KCNQ1OT1: variants seen among roughly 807,000 people sequenced by gnomAD.
The protein encoded by KCNQ1OT1 is KCNQ1 antisense RNA 2 (non-protein coding).
rs903640384 is a variant in KCNQ1OT1 at position 2,663,108 on chromosome 11, A to G, written n.36887T>C. 5.0e-6 allele frequency: 2 copies of G among 398,544 alleles called. No homozygotes were observed. Among genetic ancestry groups the G allele is most frequent in the African/African-American group, 2.1e-5 (1 of 48,600 alleles). The allele number at this position is 398,544 out of a possible 1,614,324, so 24.7% of individuals were successfully genotyped here. On this transcript the variant is annotated non_coding_transcript_exon_variant, in exon 1 of 1. Coordinates refer to ENST00000597346, the Ensembl canonical transcript of KCNQ1OT1. The surrounding 1 kb of genome is among the most constrained non-coding windows in gnomAD (Gnocchi z 5.2). ...GGCCACCTCCAGGGAAGGAGTGGCT[A>G]TCTTAAGGGGTAATTATGATCAGAC...
At chr11:2,648,981 C>CTTTTTTCTTTTTTTTTTTTTTT (rs1849710956) in exon 1 of KCNQ1OT1, 1 of 213,300 alleles carries the variant, frequency 4.7e-6, no homozygotes, top group Non-Finnish European at 7.8e-6. Context: ...TTTTCTTTTT[C>CTTTTTTCTTTTTTTTTTTTTTT]TTTTTTTTTT....
At chr11:2,699,444 C>CGCTG (rs1850735882) in exon 1 of KCNQ1OT1, 2 of 403,622 alleles carry the variant, frequency 5.0e-6, no homozygotes, top group East Asian at 3.7e-5. Flanking sequence ...GGGAGAACCG[C>CGCTG]ACTGAGGAGC....
rs1849648238 is a variant in KCNQ1OT1, at chr11:2,645,219, A to G, written n.54776T>C. ...GCTGGATGAGCTTGTCCCAAGGCCC[A>G]CAGGTGGCAAATTCAAGTGAATGCC... is the stretch of plus-strand genomic sequence containing the variant. On this transcript the variant is annotated non_coding_transcript_exon_variant, in exon 1 of 1. Transcript: ENST00000597346. This position sits in a 1 kb window ranked among gnomAD's most constrained non-coding sequence, Gnocchi z 5.8. 1 of 398,592 alleles carries G rather than the reference A, an allele frequency of 2.5e-6. No homozygotes were observed. The highest frequency in any genetic ancestry group is 2.1e-5 in the African/African-American group (1 of 48,640). 24.7% of individuals were successfully genotyped at this position (398,592 alleles called of 1,614,324 possible).
chr11:2,643,375 C>T (rs1463537438), exon 1 of KCNQ1OT1: 1 of 398,132 alleles, frequency 2.5e-6, no homozygotes, highest in Non-Finnish European at 4.4e-6. Context: ...TTGTTATATC[C>T]TCTTGGTCAA....
At position 2,621,226 on chromosome 11, in the gene KCNQ1OT1, C is replaced by T. The variant is rs1451045994; in HGVS notation, n.78769G>A. 1 of 398,006 alleles carries T rather than the reference C, an allele frequency of 2.5e-6. No homozygotes were observed. Among genetic ancestry groups the T allele is most frequent in the East Asian group, 3.6e-5 (1 of 28,066 alleles). 24.7% of individuals were successfully genotyped at this position (398,006 alleles called of 1,614,324 possible). Reference sequence around the variant, plus strand: ...TACCTGACCCCAGATGATCCACGCACCTCAGCCTCCCAAAGTGCTAGGACT... The same window carrying T: ...TACCTGACCCCAGATGATCCACGCATCTCAGCCTCCCAAAGTGCTAGGACT... On this transcript the variant is annotated non_coding_transcript_exon_variant, in exon 1 of 1. Coordinates refer to ENST00000597346, the Ensembl canonical transcript of KCNQ1OT1. The surrounding 1 kb of genome is among the most constrained non-coding windows in gnomAD (Gnocchi z 5.7).
chr11:2,620,726 A>C lies in KCNQ1OT1; in HGVS notation n.79269T>G. ...TATCCAGTAATGGGATTGCTGGGTC[A>C]GATGGTAGTTCTGTTTTCAGTTATT... On this transcript the variant is annotated non_coding_transcript_exon_variant, in exon 1 of 1. Transcript: ENST00000597346. The surrounding 1 kb of genome is among the most constrained non-coding windows in gnomAD (Gnocchi z 4.5). 2.5e-6 allele frequency: 1 copy of C among 398,626 alleles called. No homozygotes were observed. Among genetic ancestry groups the C allele is most frequent in the Non-Finnish European group, 4.4e-6 (1 of 226,062 alleles). 24.7% of individuals were successfully genotyped at this position (398,626 alleles called of 1,614,324 possible).
At chr11:2,662,134 G>T in exon 1 of KCNQ1OT1, 1 of 1,611,776 alleles carries the variant, frequency 6.2e-7, no homozygotes, top group Non-Finnish European at 8.5e-7. Flanking sequence ...TGGAGCTCAA[G>T]GAGTCAGACT....
In KCNQ1OT1 at chr11:2,622,271, A is replaced by T. The variant is rs1849186863; in HGVS notation, n.77724T>A. ...ATACGTTTCCAATTGCGAAGTCTTG[A>T]GTAATTTTCCATTTTCTCAGTATGT... On this transcript the variant is annotated non_coding_transcript_exon_variant, in exon 1 of 1. Coordinates refer to ENST00000597346, the Ensembl canonical transcript of KCNQ1OT1. 1.3e-5 allele frequency: 5 copies of T among 398,344 alleles called. No homozygotes were observed. In the East Asian group the frequency reaches 1.8e-4, roughly 14 times the overall value. 24.7% of individuals were successfully genotyped at this position (398,344 alleles called of 1,614,324 possible).
At chr11:2,694,925 G>A in exon 1 of KCNQ1OT1, 1 of 398,726 alleles carries the variant, frequency 2.5e-6, no homozygotes, top group Non-Finnish European at 4.4e-6. Context: ...CCAGGCAGAG[G>A]TGGTGAAGGC....
In KCNQ1OT1 at chr11:2,669,526, G is replaced by A. The variant is rs77407499; in HGVS notation, n.30469C>T. ...TCAGCTAATGGTTTGATGTATGTTCGCTGAATCCAGGGACAAGGTCTGTCA... is the reference window on the plus strand; with the variant it reads ...TCAGCTAATGGTTTGATGTATGTTCACTGAATCCAGGGACAAGGTCTGTCA... On this transcript the variant is annotated non_coding_transcript_exon_variant, in exon 1 of 1. Coordinates refer to ENST00000597346, the Ensembl canonical transcript of KCNQ1OT1. This position sits in a 1 kb window ranked among gnomAD's most constrained non-coding sequence, Gnocchi z 5.6. 5.8e-4 allele frequency: 233 copies of A among 398,588 alleles called. 2 individuals carry two copies. In the East Asian group the frequency reaches 8.0e-3, roughly 14 times the overall value. 24.7% of individuals were successfully genotyped at this position (398,588 alleles called of 1,614,324 possible).
exon 1 of KCNQ1OT1, chr11:2,685,742 C>T: frequency 2.5e-6 from 1 of 398,704 alleles, no homozygotes; most frequent in East Asian, 3.6e-5. Flanking sequence ...GCCGAAATGG[C>T]CAGCAGGCAG....
chr11:2,692,120 A>G, exon 1 of KCNQ1OT1: 1 of 398,676 alleles, frequency 2.5e-6, no homozygotes, highest in Non-Finnish European at 4.4e-6. Context: ...ATCATTTTAT[A>G]GCCCACTCTA....
exon 1 of KCNQ1OT1, chr11:2,625,557 C>A: frequency 2.5e-6 from 1 of 397,048 alleles, no homozygotes; most frequent in Non-Finnish European, 4.4e-6. Flanking sequence ...TTTGGAGATA[C>A]GTCTGTCCAA....
Position 2,654,001 on chromosome 11 carries a change from C to CTG in KCNQ1OT1, n.45992_45993dup. ...TTTCCTAAGCGGAACTGGGTGCCAG[C>CTG]TGTGAATATACATTTTCACTCCATT... On this transcript the variant is annotated non_coding_transcript_exon_variant, in exon 1 of 1. Coordinates refer to ENST00000597346, the Ensembl canonical transcript of KCNQ1OT1. This position sits in a 1 kb window ranked among gnomAD's most constrained non-coding sequence, Gnocchi z 6.4. 1 of 398,690 alleles carries CTG rather than the reference C, an allele frequency of 2.5e-6. No homozygotes were observed. Among genetic ancestry groups the CTG allele is most frequent in the Non-Finnish European group, 4.4e-6 (1 of 226,080 alleles). The allele number at this position is 398,690 out of a possible 1,614,324, so 24.7% of individuals were successfully genotyped here.
At chr11:2,692,874 G>A in exon 1 of KCNQ1OT1, 2 of 398,674 alleles carry the variant, frequency 5.0e-6, no homozygotes, top group Non-Finnish European at 8.8e-6. Context: ...AAGGCACTGT[G>A]CTGTGTAGAT....
At position 2,695,352 on chromosome 11, in the gene KCNQ1OT1, G is replaced by A. The variant is rs1850655911; in HGVS notation, n.4643C>T. ...ATTGTGTGTGTGTGTGTGCACTCACGAGCACTCCCTAGTACTGCGTGTCTG... is the reference window on the plus strand; with the variant it reads ...ATTGTGTGTGTGTGTGTGCACTCACAAGCACTCCCTAGTACTGCGTGTCTG... On this transcript the variant is annotated non_coding_transcript_exon_variant, in exon 1 of 1. Coordinates refer to ENST00000597346, the Ensembl canonical transcript of KCNQ1OT1. This position sits in a 1 kb window ranked among gnomAD's most constrained non-coding sequence, Gnocchi z 5.2. 1.3e-5 allele frequency: 5 copies of A among 398,026 alleles called. No individual in the cohort carries two copies. The highest frequency in any genetic ancestry group is 1.3e-4 in the South Asian group (1 of 7,800). 24.7% of individuals were successfully genotyped at this position (398,026 alleles called of 1,614,324 possible).
rs1247880626 is a variant in KCNQ1OT1 at position 2,612,281 on chromosome 11, G to A, written n.87714C>T. 2.5e-6 allele frequency: 1 copy of A among 398,486 alleles called. No homozygotes were observed. The highest frequency in any genetic ancestry group is 2.1e-5 in the African/African-American group (1 of 48,622). The allele number at this position is 398,486 out of a possible 1,614,324, so 24.7% of individuals were successfully genotyped here. On this transcript the variant is annotated non_coding_transcript_exon_variant, in exon 1 of 1. Transcript: ENST00000597346. This position sits in a 1 kb window ranked among gnomAD's most constrained non-coding sequence, Gnocchi z 5.5. ...TCCTATTGTGAACTGAGCATGTGAG[G>A]GATCTAGGTTGTGCACTCCGTATGA... is the stretch of plus-strand genomic sequence containing the variant.
In KCNQ1OT1 at chr11:2,683,905, G is replaced by A. The variant is rs553406382; in HGVS notation, n.16090C>T. ...ATCATAAATGCAAAAGATGGCCAAA[G>A]GTGCATGCTCTGTGACACGTTTCAT... On this transcript the variant is annotated non_coding_transcript_exon_variant, in exon 1 of 1. Transcript: ENST00000597346. The surrounding 1 kb of genome is among the most constrained non-coding windows in gnomAD (Gnocchi z 4.7). The A allele has an allele frequency of 6.3e-5, 25 of 398,256 alleles. No individual in the cohort carries two copies. Among genetic ancestry groups the A allele is most frequent in the East Asian group, 5.7e-4 (16 of 28,064 alleles). 24.7% of individuals were successfully genotyped at this position (398,256 alleles called of 1,614,324 possible).
chr11:2,677,127 ATCCCTCCCTATTGAACAC>A lies in KCNQ1OT1; in HGVS notation n.22850_22867del. On this transcript the variant is annotated non_coding_transcript_exon_variant, in exon 1 of 1. Coordinates refer to ENST00000597346, the Ensembl canonical transcript of KCNQ1OT1. The surrounding 1 kb of genome is among the most constrained non-coding windows in gnomAD (Gnocchi z 4.5). ...CTTATGAAATTAGTTTCCCTGAAAC[ATCCCTCCCTATTGAACAC>A]TGTTGTTTCTCCCTATCCATCTTAT... The A allele has an allele frequency of 2.5e-6, 1 of 398,642 alleles. No individual in the cohort carries two copies. The highest frequency in any genetic ancestry group is 4.4e-6 in the Non-Finnish European group (1 of 226,066). 24.7% of individuals were successfully genotyped at this position (398,642 alleles called of 1,614,324 possible). A position where few individuals can be genotyped will look rare whatever the true frequency, so the allele number is the denominator to read the frequency against.
Sources: allele counts gnomAD v4.1 joint callset, GRCh38; gene constraint gnomAD v4.1.1; non-coding constraint Gnocchi (gnomAD v3.1); transcripts MANE v1.5; gene names NCBI Gene and HGNC (gene_info 2026-07-23, HGNC 2026-07-21).